RUNX3: variants seen among roughly 807,000 people sequenced by gnomAD.
RUNX3 encodes the protein runt-related transcription factor 3.
Under a neutral mutation model 27.7 loss-of-function variants are expected in RUNX3, and 10 were observed. The ratio of observed to expected loss-of-function variants is 0.36; its 90% CI spans 0.22 to 0.61. The LOEUF (loss-of-function observed/expected upper bound fraction) is 0.61. Among genes scored for constraint, RUNX3 ranks in the 20% least tolerant of loss-of-function variants. The pLI is 0.72. For synonymous variants in RUNX3, 270 were observed against 269.2 expected (o/e 1.00, Z -0.03); for missense variants, 469 against 629.5 (o/e 0.75, Z 2.73).
chr1:24,906,559 T>C (rs1345783531), intron 4 of RUNX3, among the ~76,000 whole-genome samples: 1 of 152,188 alleles, frequency 6.6e-6, no homozygotes, highest in Non-Finnish European at 1.5e-5. Context: ...GCGGCTACTA[T>C]GCGCCAGGCA....
At position 24,916,448 on chromosome 1, in the gene RUNX3, G is replaced by A. The variant is rs1018432766; in HGVS notation, c.544+2792C>T. Among the ~76,000 whole-genome samples the A allele has an allele frequency of 1.1e-4, 16 of 152,210 alleles. No individual in the cohort carries two copies. The highest frequency in any genetic ancestry group is 2.9e-5 in the Non-Finnish European group (2 of 68,032). Reference sequence around the variant, plus strand: ...ACAGTCACCTTGGGCAAAAGGTTTTGCGCCCTGGCCTCTATCCTCTCCTGG... The same window carrying A: ...ACAGTCACCTTGGGCAAAAGGTTTTACGCCCTGGCCTCTATCCTCTCCTGG... On this transcript the variant is annotated intron_variant, in intron 3 of 4. Coordinates refer to ENST00000308873, the MANE Select transcript of RUNX3 (RefSeq NM_004350.3). The surrounding 1 kb of genome is among the most constrained non-coding windows in gnomAD (Gnocchi z 4.8).
chr1:24,957,176 A>G (rs543884910), intron 2 of RUNX3, among the ~76,000 whole-genome samples: 1 of 152,344 alleles, frequency 6.6e-6, no homozygotes, highest in South Asian at 2.1e-4. Context: ...AGAAAACCCC[A>G]AAGAGGAACC....
chr1:24,936,128 C>T lies in RUNX3; in HGVS notation c.59-6276G>A, dbSNP rs553080021. On this transcript the variant is annotated intron_variant, in intron 2 of 6. Transcript: ENST00000338888. ...CCTGGGCAGCTTGGAGCCAAGGGGG[C>T]TTCTGGGAAACATGTGCCCTTCCCC... 3.3e-5 allele frequency among the ~76,000 whole-genome samples: 5 copies of T among 152,370 alleles called. No homozygotes were observed. In the East Asian group the frequency reaches 7.7e-4, roughly 23 times the overall value.
At chr1:24,926,647 T>C (rs1386241259) in intron 2 of RUNX3, among the ~76,000 whole-genome samples, 1 of 152,184 alleles carries the variant, frequency 6.6e-6, no homozygotes, top group East Asian at 1.9e-4. Flanking sequence ...AGGTCCTGTT[T>C]ATTGGTGATG....
intron 1 of RUNX3, chr1:24,928,875 G>A (rs933673115): frequency 5.5e-6 from 2 of 363,176 alleles, no homozygotes; most frequent in Admixed American, 7.3e-5. Flanking sequence ...CTTTTCTCAC[G>A]GCAGCTGTGA....
upstream of RUNX3, chr1:24,930,335 G>A (rs1557847422): frequency 1.7e-6 from 1 of 598,462 alleles, no homozygotes; most frequent in Middle Eastern, 8.2e-4. This position sits in a 1 kb window ranked among gnomAD's most constrained non-coding sequence, Gnocchi z 4.1. Flanking sequence ...CGGGGCTGGC[G>A]GAGCGACGCG....
intron 2 of RUNX3, among the ~76,000 whole-genome samples, chr1:24,955,031 A>T (rs1641880005): frequency 6.6e-6 from 1 of 151,826 alleles, no homozygotes; most frequent in Non-Finnish European, 1.5e-5. Flanking sequence ...GGACCCATAA[A>T]CCTTCCATCT....
At chr1:24,911,025 T>G (rs1003317479) in intron 3 of RUNX3, among the ~76,000 whole-genome samples, 1 of 152,174 alleles carries the variant, frequency 6.6e-6, no homozygotes, top group Non-Finnish European at 1.5e-5. Context: ...CGGCCAGAGC[T>G]TCCAATTCCA....
exon 2 of RUNX3, chr1:24,964,664 A>T: frequency 6.6e-7 from 1 of 1,510,742 alleles, no homozygotes. Context: ...TTTTTCCTCT[A>T]GCTACTTTTG....
intron 4 of RUNX3, among the ~76,000 whole-genome samples, chr1:24,903,169 G>C (rs1482034520): frequency 6.6e-6 from 1 of 152,244 alleles, no homozygotes. Context: ...TGGAGGCAGA[G>C]AGAGAGCAAG....
upstream of RUNX3, among the ~76,000 whole-genome samples, chr1:24,932,986 TAG>T (rs1641266267): frequency 6.6e-6 from 1 of 152,178 alleles, no homozygotes; most frequent in South Asian, 2.1e-4. Flanking sequence ...CCCGGGCAAA[TAG>T]AGCCAGCTCC....
chr1:24,936,295 C>T (rs766634339), intron 2 of RUNX3, among the ~76,000 whole-genome samples: 14 of 152,160 alleles, frequency 9.2e-5, no homozygotes, highest in Non-Finnish European at 1.8e-4. Flanking sequence ...AAAACTGAGG[C>T]TTAGAGAGCT....
At position 24,923,568 on chromosome 1, in the gene RUNX3, C is replaced by T. The variant is rs886287061; in HGVS notation, c.439+4006G>A. Among the ~76,000 whole-genome samples, 2 of 152,112 alleles carry T rather than the reference C, an allele frequency of 1.3e-5. No individual in the cohort carries two copies. The highest frequency in any genetic ancestry group is 2.1e-4 in the South Asian group (1 of 4,820). ...GTTTCCTTTAGGGCTCCAGAAACTC[C>T]TCCAGGACCCATCATCAACCAGCCG... On this transcript the variant is annotated intron_variant, in intron 2 of 4. Coordinates refer to ENST00000308873, the MANE Select transcript of RUNX3 (RefSeq NM_004350.3). The surrounding 1 kb of genome is among the most constrained non-coding windows in gnomAD (Gnocchi z 5.9).
chr1:24,953,923 T>G (rs984539876), intron 2 of RUNX3, among the ~76,000 whole-genome samples: 1 of 152,218 alleles, frequency 6.6e-6, no homozygotes, highest in Non-Finnish European at 1.5e-5. Context: ...GTGTGGTTTT[T>G]TTTTTTGGAG....
At position 24,930,135 on chromosome 1, in the gene RUNX3, C is replaced by T. The variant is rs1284143723; in HGVS notation, c.-267G>A. On this transcript the variant is annotated 5_prime_UTR_variant, in exon 1 of 5. Transcript: ENST00000308873. This position sits in a 1 kb window ranked among gnomAD's most constrained non-coding sequence, Gnocchi z 4.1. ...CGCGGCCCCGCGTGCGGCCGCCCCT[C>T]GTGGCTGTCCCGGCTGCCTGGGCCG... is the stretch of plus-strand genomic sequence containing the variant. 2 of 976,312 alleles carry T rather than the reference C, an allele frequency of 2.0e-6. No individual in the cohort carries two copies. Among genetic ancestry groups the T allele is most frequent in the African/African-American group, 1.8e-5 (1 of 55,908 alleles). The allele number at this position is 976,312 out of a possible 1,614,324, so 60.5% of individuals were successfully genotyped here.
intron 2 of RUNX3, among the ~76,000 whole-genome samples, chr1:24,960,668 GA>G (rs775791335): frequency 1.9e-4 from 29 of 152,078 alleles, no homozygotes; most frequent in Non-Finnish European, 3.5e-4. Flanking sequence ...GACCTGGTGT[GA>G]GGGGGGGGTG....
At chr1:24,920,517 G>A (rs1640978750) in intron 2 of RUNX3, among the ~76,000 whole-genome samples, 1 of 152,148 alleles carries the variant, frequency 6.6e-6, no homozygotes, top group Non-Finnish European at 1.5e-5. Flanking sequence ...TTACTAGTGA[G>A]AATGAAACTT....
chr1:24,908,082 A>G (rs1052316239), intron 3 of RUNX3, among the ~76,000 whole-genome samples: 13 of 151,496 alleles, frequency 8.6e-5, no homozygotes, highest in African/African-American at 3.2e-4. Context: ...CCGAACCTCT[A>G]CGACACGCGG....
intron 2 of RUNX3, among the ~76,000 whole-genome samples, chr1:24,937,124 G>A (rs1280811554): frequency 1.3e-5 from 2 of 152,196 alleles, no homozygotes. Context: ...GGGAGAGGGA[G>A]TGACCCCCAG....
Sources: gnomAD v4.1 joint callset for allele counts (sites outside exome capture counted in the v4.1 genomes callset) on GRCh38, gnomAD v4.1.1 for gene constraint, Gnocchi (gnomAD v3.1) non-coding constraint, MANE v1.5 for transcripts, NCBI Gene and HGNC (gene_info 2026-07-23, HGNC 2026-07-21) for gene names.